The following SERHL2 variants were observed in gnomAD, a reference collection of about 807,000 sequenced individuals.
The protein encoded by SERHL2 is serine hydrolase like 2.
SERHL2 carries 29 observed loss-of-function variants against 25.5 expected under a neutral mutation model. That is an observed-to-expected ratio of 1.14 (90% CI 0.85 to 1.55). The LOEUF (loss-of-function observed/expected upper bound fraction) is 1.55, where lower values mean the gene tolerates loss of function less well. Among genes scored for constraint, SERHL2 ranks in the 40% most tolerant of loss-of-function variants. The probability of loss-of-function intolerance (pLI) is 0.00; values close to 1 mark genes in which losing one functional copy is unlikely to be tolerated. For synonymous variants in SERHL2, 95 were observed against 103.5 expected (o/e 0.92, Z 0.50); for missense variants, 240 against 252.3 (o/e 0.95, Z 0.33).
intron 8 of SERHL2, among the ~76,000 whole-genome samples, chr22:42,561,784 T>C (rs3788593): frequency 0.13 from 19,881 of 151,466 alleles, 2,383 homozygotes; most frequent in East Asian, 0.6. Flanking sequence ...ACCAGTTGGG[T>C]CTTCGTGATC....
intron 8 of SERHL2, among the ~76,000 whole-genome samples, chr22:42,561,093 C>T (rs1922624527): frequency 6.6e-6 from 1 of 151,914 alleles, no homozygotes; most frequent in African/African-American, 2.4e-5. Flanking sequence ...GGAAGAGAAG[C>T]AGATGATACA....
Position 42,574,144 on chromosome 22 carries a change from G to A in SERHL2, c.*89G>A, listed in dbSNP as rs1924676227. The A allele has an allele frequency of 8.0e-7, 1 of 1,244,414 alleles. No homozygotes were observed. The highest frequency in any genetic ancestry group is 2.3e-5 in the East Asian group (1 of 42,818). 77.1% of individuals were successfully genotyped at this position (1,244,414 alleles called of 1,614,324 possible). Reference sequence around the variant, plus strand: ...GAGCCCCACAACAAGGCCAGGGATGGTGGGGACAGGCCTCACTAGTCTTGA... The same window carrying A: ...GAGCCCCACAACAAGGCCAGGGATGATGGGGACAGGCCTCACTAGTCTTGA... On this transcript the variant is annotated 3_prime_UTR_variant, in exon 12 of 12. Transcript: ENST00000327678.
intron 8 of SERHL2, among the ~76,000 whole-genome samples, chr22:42,564,779 C>T (rs2146708238): frequency 6.6e-6 from 1 of 152,012 alleles, no homozygotes; most frequent in South Asian, 2.1e-4. Flanking sequence ...GGCTCTTTTA[C>T]AGAGTTTTTC....
intron 11 of SERHL2, chr22:42,573,612 T>G: frequency 2.1e-5 from 6 of 281,944 alleles, no homozygotes; most frequent in East Asian, 9.2e-5. Context: ...CACGCCCCCA[T>G]CTCATTATCT....
intron 1 of SERHL2, among the ~76,000 whole-genome samples, chr22:42,554,259 C>G (rs1921958095): frequency 6.6e-6 from 1 of 152,118 alleles, no homozygotes. Flanking sequence ...TCCAGGAGCC[C>G]CTGAGTTAGC....
rs1335874574 is a variant in SERHL2 at position 42,574,301 on chromosome 22, G to C, written c.*246G>C. On this transcript the variant is annotated 3_prime_UTR_variant, in exon 12 of 12. Coordinates refer to ENST00000327678, the MANE Select transcript of SERHL2 (RefSeq NM_014509.5). ...CTAATAATAAATATCCAGCCAGCTG[G>C]AGGAAGGAAGGGCAGGCTGGGCCCA... 3 of 545,538 alleles carry C rather than the reference G, an allele frequency of 5.5e-6. No homozygotes were observed. The African/African-American group carries it at 5.8e-5, about 10-fold the overall frequency. The allele number at this position is 545,538 out of a possible 1,614,324, so 33.8% of individuals were successfully genotyped here.
intron 9 of SERHL2, among the ~76,000 whole-genome samples, chr22:42,570,487 C>T (rs1924015201): frequency 6.6e-6 from 1 of 152,168 alleles, no homozygotes; most frequent in South Asian, 2.1e-4. Context: ...ATGTAATCAA[C>T]ATAAAGCTTG....
At chr22:42,563,872 G>T (rs113329147) in intron 8 of SERHL2, among the ~76,000 whole-genome samples, 7 of 151,932 alleles carry the variant, frequency 4.6e-5, no homozygotes, top group Admixed American at 3.3e-4. Context: ...TTGGGAGTTC[G>T]AGACCACCCT....
At chr22:42,556,219 G>T in intron 5 of SERHL2, 136 bp downstream of exon 5, 1 of 659,070 alleles carries the variant, frequency 1.5e-6, no homozygotes. Flanking sequence ...ATACCAGGAA[G>T]TTGGTGTAAA....
In SERHL2 at chr22:42,574,034, C is replaced by G. The variant is rs767232641; in HGVS notation, c.924C>G (p.His308Gln). The G allele has an allele frequency of 5.0e-6, 8 of 1,612,648 alleles. No individual in the cohort carries two copies. The highest frequency in any genetic ancestry group is 6.8e-6 in the Non-Finnish European group (8 of 1,179,124). Residue 308 changes from histidine to glutamine, a missense_variant, in exon 12 of 12, where the codon CAC (histidine) becomes CAG (glutamine). This residue lies in a region of SERHL2 where 212 missense variants were observed against 168.9 expected (regional missense o/e 1.25). Coordinates refer to ENST00000327678, the MANE Select transcript of SERHL2 (RefSeq NM_014509.5). The stretch of plus-strand genomic sequence containing the variant: ...TCAGCTCCTTCTTACAGTGCACACA[C>G]ATGCTCCCAGCCCAGCTGTAGCTCT... ...SIISSFLQCT[H>Q]MLPAQL
chr22:42,570,507 T>C (rs535004086), intron 9 of SERHL2, among the ~76,000 whole-genome samples: 5 of 152,334 alleles, frequency 3.3e-5, no homozygotes, highest in Admixed American at 3.3e-4. Context: ...GATTGCATTA[T>C]TTTGCATGCT....
At chr22:42,572,377 C>T (rs1924347394) in intron 10 of SERHL2, 59 bp from the exon 11 acceptor site, 3 of 1,267,534 alleles carry the variant, frequency 2.4e-6, no homozygotes, top group Non-Finnish European at 3.4e-6. Flanking sequence ...AGGATGGGGG[C>T]ACCGCTGGGA....
intron 1 of SERHL2, among the ~76,000 whole-genome samples, chr22:42,554,274 C>T (rs1205860967): frequency 1.3e-5 from 2 of 152,082 alleles, no homozygotes; most frequent in African/African-American, 4.8e-5. Flanking sequence ...GTTAGCCGAG[C>T]GTGCGCGTGG....
At chr22:42,568,194 T>C (rs939666377) in intron 9 of SERHL2, among the ~76,000 whole-genome samples, 7 of 87,720 alleles carry the variant, frequency 8.0e-5, no homozygotes, top group Admixed American at 1.3e-4. Context: ...CAGCTAAATT[T>C]TTTACTTTTG....
intron 8 of SERHL2, among the ~76,000 whole-genome samples, chr22:42,562,503 G>A (rs1922813137): frequency 6.6e-6 from 1 of 151,842 alleles, no homozygotes; most frequent in Non-Finnish European, 1.5e-5. Flanking sequence ...AGGTTCTCTG[G>A]GTGGGTTACA....
chr22:42,565,326 C>A (rs572205800), intron 8 of SERHL2: 1 of 119,250 alleles, frequency 8.4e-6, no homozygotes, highest in African/African-American at 4.8e-5. Flanking sequence ...ATCACCCTCA[C>A]ATCTTTTTTT....
intron 10 of SERHL2, chr22:42,571,819 C>T (rs1286035563): frequency 1.9e-5 from 3 of 154,514 alleles, no homozygotes; most frequent in African/African-American, 7.3e-5. Context: ...TGGACGAATT[C>T]AGACACAACC....
Position 42,554,042 on chromosome 22 carries a change from G to C in SERHL2, c.22G>C (p.Gly8Arg), listed in dbSNP as rs765260319. The change falls in exon 1 of 12, where the codon GGT becomes CGT. Residue 8 changes from glycine to arginine, a missense_variant and splice_region_variant. This residue lies in a region of SERHL2 where 18 missense variants were observed against 16.0 expected (regional missense o/e 1.12). Coordinates refer to ENST00000327678, the MANE Select transcript of SERHL2 (RefSeq NM_014509.5). ...AGCGATGAGTGAGAACGCCGCACCA[G>C]GTCTGACGGGGAGGCCTTGTGCGAG... MSENAAP[G>R]LISELKLAVP... is the part of the protein sequence containing the mutation. 1.9e-6 allele frequency: 3 copies of C among 1,613,542 alleles called. No homozygotes were observed. Among genetic ancestry groups the C allele is most frequent in the East Asian group, 2.2e-5 (1 of 44,858 alleles).
intron 9 of SERHL2, among the ~76,000 whole-genome samples, chr22:42,570,341 C>G (rs1044177309): frequency 6.6e-6 from 1 of 151,958 alleles, no homozygotes; most frequent in Non-Finnish European, 1.5e-5. Flanking sequence ...CGCTTGAACC[C>G]AGGAGGCGGG....
Sources: allele counts gnomAD v4.1 joint callset (sites outside exome capture counted in the v4.1 genomes callset), GRCh38; gene constraint gnomAD v4.1.1; regional missense constraint gnomAD v4.1.1; transcripts MANE v1.5; gene names NCBI Gene and HGNC (gene_info 2026-07-23, HGNC 2026-07-21).